The following LOC114841035 variants were observed in gnomAD, a reference collection of about 807,000 sequenced individuals.
At chr11:64,242,150 GCCTCCCCTGACCC>G in the LOC114841035 span, 1 of 461,396 alleles carries the variant, frequency 2.2e-6, no homozygotes, top group South Asian at 3.4e-5. Flanking sequence ...GGCTGCTGTG[GCCTCCCCTGACCC>G]CCTCCCCCCG....
At chr11:64,242,295 C>T in the LOC114841035 span, 3 of 1,253,066 alleles carry the variant, frequency 2.4e-6, no homozygotes, top group Non-Finnish European at 3.2e-6. Context: ...GATACAGTGG[C>T]GGTGGAACCC....
chr11:64,243,066 T>TTTAA, the LOC114841035 span: 1 of 745,918 alleles, frequency 1.3e-6, no homozygotes, highest in Non-Finnish European at 2.3e-6. Context: ...AGACTCCATC[T>TTTAA]CAAAAAACAA....
chr11:64,242,583 G>A, the LOC114841035 span: 1 of 1,525,634 alleles, frequency 6.6e-7, no homozygotes, highest in Non-Finnish European at 8.8e-7. Flanking sequence ...CGGGCCTTTT[G>A]GGAGTGGGTG....
the LOC114841035 span, chr11:64,242,682 C>T: frequency 1.9e-6 from 2 of 1,075,792 alleles, no homozygotes; most frequent in Non-Finnish European, 2.6e-6. Flanking sequence ...CGCCTCTAAG[C>T]CAGTTTCCAT....
chr11:64,242,528 C>T, the LOC114841035 span: 51 of 1,552,148 alleles, frequency 3.3e-5, no homozygotes, highest in African/African-American at 7.1e-4. Flanking sequence ...TCAAATCGCG[C>T]AAAGGGGATG....
At chr11:64,242,308 C>T in the LOC114841035 span, 4 of 1,355,246 alleles carry the variant, frequency 3.0e-6, no homozygotes, top group East Asian at 8.3e-5. Flanking sequence ...TGGAACCCTC[C>T]TGTTACCTAC....
chr11:64,243,765 G>A, the LOC114841035 span: 28 of 1,583,606 alleles, frequency 1.8e-5, no homozygotes, highest in Non-Finnish European at 8.7e-7. Context: ...GCTGAGAGGG[G>A]CGGAACACTC....
At chr11:64,243,184 C>T in the LOC114841035 span, 5,387 of 1,612,730 alleles carry the variant, frequency 3.3e-3, 22 homozygotes, top group East Asian at 0.025. Flanking sequence ...CACTGGCCTT[C>T]TCATGGTTCC....
chr11:64,244,052 G>A, the LOC114841035 span: 4 of 1,610,908 alleles, frequency 2.5e-6, no homozygotes, highest in African/African-American at 2.7e-5. Flanking sequence ...GGGGCAGGGG[G>A]AGAGGCCCCC....
chr11:64,244,126 A>C, the LOC114841035 span: 6 of 1,356,436 alleles, frequency 4.4e-6, no homozygotes, highest in Non-Finnish European at 6.1e-6. Context: ...AACACTTAAA[A>C]GCCCAAGGAG....
chr11:64,243,276 C>T, the LOC114841035 span: 6 of 1,610,710 alleles, frequency 3.7e-6, no homozygotes, highest in Admixed American at 1.7e-5. Flanking sequence ...TTGGCACAGG[C>T]CAGGTCATCA....
the LOC114841035 span, chr11:64,243,125 T>C: frequency 7.3e-7 from 1 of 1,377,800 alleles, no homozygotes; most frequent in East Asian, 2.3e-5. Flanking sequence ...GGCAGCTTGA[T>C]GGGGAAAGCA....
At chr11:64,243,577 T>C in the LOC114841035 span, 1 of 1,543,436 alleles carries the variant, frequency 6.5e-7, no homozygotes, top group Non-Finnish European at 8.9e-7. Context: ...AGCTTTTCAT[T>C]GGTCTTCACC....
chr11:64,244,030 C>G, the LOC114841035 span: 3 of 1,613,916 alleles, frequency 1.9e-6, no homozygotes, highest in South Asian at 3.3e-5. Context: ...TGAGCTGTAA[C>G]CAGACTGGGG....
At chr11:64,243,534 G>T in the LOC114841035 span, 5 of 1,611,608 alleles carry the variant, frequency 3.1e-6, no homozygotes, top group South Asian at 3.3e-5. Context: ...AGCGAGTTTG[G>T]GGTGTGTGAC....
the LOC114841035 span, chr11:64,243,556 A>G: frequency 6.3e-7 from 1 of 1,592,764 alleles, no homozygotes; most frequent in Non-Finnish European, 8.6e-7. Context: ...GGGAAGGGTG[A>G]AAGCTGCTTC....
the LOC114841035 span, chr11:64,242,275 G>A: frequency 2.2e-5 from 25 of 1,130,108 alleles, no homozygotes; most frequent in Non-Finnish European, 1.2e-6. Flanking sequence ...GGATCCCCCG[G>A]GGCAAGGAAG....
chr11:64,243,918 C>T, the LOC114841035 span: 2 of 1,613,990 alleles, frequency 1.2e-6, no homozygotes, highest in Non-Finnish European at 1.7e-6. Flanking sequence ...GCAGCCAGCC[C>T]ACCTCCCTGT....
At chr11:64,242,369 G>C in the LOC114841035 span, 1 of 1,499,702 alleles carries the variant, frequency 6.7e-7, no homozygotes. Context: ...GGTCGGTCGG[G>C]GTCTGTGCCC....
Sources: allele counts gnomAD v4.1 joint callset, GRCh38; gene constraint gnomAD v4.1.1; transcripts MANE v1.5.